NHLRC2: variants seen among roughly 807,000 people sequenced by gnomAD.
NHLRC2 encodes the protein NHL repeat containing 2, also known as NHL repeat-containing protein 2.
NHLRC2 carries 33 observed loss-of-function variants against 68.1 expected under a neutral mutation model. The observed-to-expected ratio is 0.48, with a 90% confidence interval of 0.37 to 0.65. NHLRC2 has a LOEUF of 0.65. Among genes scored for constraint, NHLRC2 ranks in the 30% least tolerant of loss-of-function variants. NHLRC2 has a pLI of 0.00. For synonymous variants in NHLRC2, 311 were observed against 309.6 expected (o/e 1.00, Z -0.05); for missense variants, 761 against 853.8 (o/e 0.89, Z 1.35).
chr10:113,855,192 G>C, intron 1 of NHLRC2, 142 bp downstream of exon 1: 2 of 746,522 alleles, frequency 2.7e-6, no homozygotes, highest in Non-Finnish European at 4.5e-6. Context: ...TTGGGCCGCT[G>C]TTCGCGTGTT....
rs1261080878 is a variant in NHLRC2 at position 113,912,795 on chromosome 10, A to T, written c.*4259A>T. ...GAATAGAAAACCGGAATAGTGCTCG[A>T]TGCCTGAAGTGGTGCCTGGCGCCAG... is the stretch of plus-strand genomic sequence containing the variant. On this transcript the variant is annotated 3_prime_UTR_variant, in exon 11 of 11. Coordinates refer to ENST00000369301, the MANE Select transcript of NHLRC2 (RefSeq NM_198514.4). 2.0e-5 allele frequency: 3 copies of T among 152,210 alleles called. No homozygotes were observed. Among genetic ancestry groups the T allele is most frequent in the African/African-American group, 7.2e-5 (3 of 41,424 alleles). 9.4% of individuals were successfully genotyped at this position (152,210 alleles called of 1,614,324 possible).
At chr10:113,862,272 TC>T (rs1845823284) in intron 2 of NHLRC2, among the ~76,000 whole-genome samples, 1 of 152,098 alleles carries the variant, frequency 6.6e-6, no homozygotes, top group Non-Finnish European at 1.5e-5. Context: ...TTTGGGGCCA[TC>T]AACAACTGAA....
chr10:113,876,480 A>AAATATTTAAGTTTG, intron 2 of NHLRC2, 41 bp from the exon 3 acceptor site: 1 of 1,166,390 alleles, frequency 8.6e-7, no homozygotes, highest in African/African-American at 1.6e-5. Context: ...ATTCAAACTT[A>AAATATTTAAGTTTG]AATATTTAAT....
At chr10:113,894,416 AAACCG>A (rs777023969) in intron 5 of NHLRC2, among the ~76,000 whole-genome samples, 6 of 152,158 alleles carry the variant, frequency 3.9e-5, no homozygotes, top group Non-Finnish European at 7.4e-5. Context: ...TTGCTGCTGT[AAACCG>A]ATAAAAGAAT....
At chr10:113,894,597 T>G (rs752902874) in intron 5 of NHLRC2, among the ~76,000 whole-genome samples, 16 of 152,138 alleles carry the variant, frequency 1.1e-4, no homozygotes, top group Non-Finnish European at 2.1e-4. Context: ...AACTAGGACC[T>G]CCATAAGGTG....
At chr10:113,890,637 T>A (rs1846122404) in intron 5 of NHLRC2, among the ~76,000 whole-genome samples, 1 of 152,198 alleles carries the variant, frequency 6.6e-6, no homozygotes, top group Non-Finnish European at 1.5e-5. Flanking sequence ...ATTCAATAAC[T>A]CTTGCATATT....
At chr10:113,865,908 T>C (rs980099485) in intron 2 of NHLRC2, among the ~76,000 whole-genome samples, 3 of 152,228 alleles carry the variant, frequency 2.0e-5, no homozygotes, top group Non-Finnish European at 4.4e-5. Flanking sequence ...TAGTTAAATA[T>C]CTTCTCCCAT....
intron 2 of NHLRC2, among the ~76,000 whole-genome samples, chr10:113,871,015 C>CTTTTTTTT (rs1169108158): frequency 3.0e-5 from 2 of 65,724 alleles, no homozygotes; most frequent in Admixed American, 1.6e-4. Flanking sequence ...CTTCCTGCAT[C>CTTTTTTTT]TTTTTTTTTT....
intron 2 of NHLRC2, among the ~76,000 whole-genome samples, chr10:113,870,579 G>C (rs1340007555): frequency 2.0e-5 from 3 of 152,146 alleles, no homozygotes; most frequent in African/African-American, 7.2e-5. Flanking sequence ...TCCATATTTA[G>C]CAATTATAAG....
intron 2 of NHLRC2, among the ~76,000 whole-genome samples, chr10:113,864,249 T>C (rs1845842420): frequency 6.6e-6 from 1 of 152,200 alleles, no homozygotes; most frequent in Admixed American, 6.5e-5. Flanking sequence ...AATGTGGAGC[T>C]ATTGTTTAAT....
intron 5 of NHLRC2, among the ~76,000 whole-genome samples, chr10:113,895,769 C>G (rs759918018): frequency 2.2e-4 from 33 of 152,122 alleles, no homozygotes; most frequent in Non-Finnish European, 4.3e-4. Context: ...CAAATCCAGA[C>G]CCACCTGGTT....
At chr10:113,898,834 T>C (rs976903035) in intron 6 of NHLRC2, among the ~76,000 whole-genome samples, 10 of 152,210 alleles carry the variant, frequency 6.6e-5, no homozygotes, top group African/African-American at 2.4e-4. Flanking sequence ...AAGCCTCAGT[T>C]TCCTTATTTA....
chr10:113,899,396 G>C (rs1214836417), intron 6 of NHLRC2, among the ~76,000 whole-genome samples: 1 of 152,210 alleles, frequency 6.6e-6, no homozygotes, highest in African/African-American at 2.4e-5. Context: ...CAAAATAGCA[G>C]ATATTCCAAA....
At chr10:113,856,255 C>A (rs571989169) in intron 1 of NHLRC2, among the ~76,000 whole-genome samples, 13 of 152,132 alleles carry the variant, frequency 8.5e-5, no homozygotes, top group African/African-American at 3.1e-4. Context: ...TGTGTCCTGG[C>A]GTGACACTGA....
chr10:113,877,029 G>A, intron 3 of NHLRC2, 53 bp downstream of exon 3: 1 of 1,049,058 alleles, frequency 9.5e-7, no homozygotes, highest in South Asian at 1.7e-5. Context: ...TAAAAAAATA[G>A]TTCAAGGTAA....
chr10:113,897,983 G>C (rs1846190860), intron 5 of NHLRC2, 127 bp from the exon 6 acceptor site: 1 of 498,236 alleles, frequency 2.0e-6, no homozygotes, highest in Non-Finnish European at 3.4e-6. Flanking sequence ...AAACATTGCA[G>C]ATATTTTTAT....
chr10:113,916,109 C>G lies in NHLRC2; in HGVS notation c.*7573C>G, dbSNP rs948757403. ...CTTCTGTTTTTAGAATTTGTAGTCACTGTTCTTAGTGCCACTGGAAATATA... is the reference window on the plus strand; with the variant it reads ...CTTCTGTTTTTAGAATTTGTAGTCAGTGTTCTTAGTGCCACTGGAAATATA... On this transcript the variant is annotated 3_prime_UTR_variant, in exon 11 of 11. Transcript: ENST00000369301. 6.6e-6 allele frequency: 1 copy of G among 152,312 alleles called. No individual in the cohort carries two copies. Among genetic ancestry groups the G allele is most frequent in the South Asian group, 2.1e-4 (1 of 4,832 alleles). 9.4% of individuals were successfully genotyped at this position (152,312 alleles called of 1,614,324 possible). A position where few individuals can be genotyped will look rare whatever the true frequency, so the allele number is the denominator to read the frequency against.
rs1430155691 is a variant in NHLRC2, at chr10:113,909,899, ATCTTTT to A, written c.*1365_*1370del. 2 of 152,152 alleles carry A rather than the reference ATCTTTT, an allele frequency of 1.3e-5. No individual in the cohort carries two copies. Among genetic ancestry groups the A allele is most frequent in the African/African-American group, 4.8e-5 (2 of 41,446 alleles). 9.4% of individuals were successfully genotyped at this position (152,152 alleles called of 1,614,324 possible). On this transcript the variant is annotated 3_prime_UTR_variant, in exon 11 of 11. Transcript: ENST00000369301. ...AAAACAGTGCTAAATTTGAAGTGTA[ATCTTTT>A]TTAAACATCATTGTCTATTTTTAAT...
chr10:113,897,640 A>G lies in NHLRC2; in HGVS notation c.1040-470A>G, dbSNP rs114757120. 9.4e-3 allele frequency among the ~76,000 whole-genome samples: 1,436 copies of G among 152,316 alleles called. 26 individuals are homozygous for G. Among genetic ancestry groups the G allele is most frequent in the African/African-American group, 0.033 (1,354 of 41,562 alleles). On this transcript the variant is annotated intron_variant, in intron 5 of 10. Transcript: ENST00000369301. ...CGTAGTCCCGGGTTGTGGCTCTAGAATAACTGAAACATTGTGGTATGCTAA... is the reference window on the plus strand; with the variant it reads ...CGTAGTCCCGGGTTGTGGCTCTAGAGTAACTGAAACATTGTGGTATGCTAA...
Sources: gnomAD v4.1 joint callset for allele counts (sites outside exome capture counted in the v4.1 genomes callset) on GRCh38, gnomAD v4.1.1 for gene constraint, MANE v1.5 for transcripts, NCBI Gene and HGNC (gene_info 2026-07-23, HGNC 2026-07-21) for gene names.